The following UGT2B17 variants were observed in gnomAD, a reference collection of about 807,000 sequenced individuals.
The protein encoded by UGT2B17 is UDP glucuronosyltransferase family 2 member B17.
In UGT2B17, 21 loss-of-function variants were observed where a neutral mutation model predicts 48.2. The ratio of observed to expected loss-of-function variants is 0.44; its 90% CI spans 0.31 to 0.63. The LOEUF is 0.63. Ranked by LOEUF, UGT2B17 falls within the 20% of genes least tolerant of loss-of-function variation. UGT2B17 has a pLI of 0.08. For synonymous variants in UGT2B17, 146 were observed against 238.4 expected (o/e 0.61, Z 3.57); for missense variants, 402 against 696.1 (o/e 0.58, Z 4.75).
rs1363354837 is a variant in UGT2B17 at position 68,541,807 on chromosome 4, G to T, written c.1314-3903C>A. Among the ~76,000 whole-genome samples the T allele has an allele frequency of 2.4e-5, 3 of 126,580 alleles. 1 individual carries two copies. Among genetic ancestry groups the T allele is most frequent in the Non-Finnish European group, 5.0e-5 (3 of 59,712 alleles). 83.0% of individuals were successfully genotyped at this position (126,580 alleles called of 152,430 possible). ...TACATTTAAGTCTTTAATCCATCTT[G>T]AGTTAATTTTTGTATAAGGTGTAAG... On this transcript the variant is annotated intron_variant, in intron 6 of 6. Coordinates refer to ENST00000317746, the MANE Select transcript of UGT2B17 (RefSeq NM_001077.4).
rs1731343333 is a variant in UGT2B17, at chr4:68,574,728, A to G, written c.-65+1223T>C. 1.6e-5 allele frequency among the ~76,000 whole-genome samples: 2 copies of G among 126,516 alleles called. 1 individual carries two copies. Among genetic ancestry groups the G allele is most frequent in the Non-Finnish European group, 3.4e-5 (2 of 59,672 alleles). 83.0% of individuals were successfully genotyped at this position (126,516 alleles called of 152,430 possible). A position where few individuals can be genotyped will look rare whatever the true frequency, so the allele number is the denominator to read the frequency against. On this transcript the variant is annotated intron_variant, in intron 1 of 6. Coordinates refer to ENST00000317746, the MANE Select transcript of UGT2B17 (RefSeq NM_001077.4). ...ACACCTGCACATAAACTGTTTCTTCAATAGCACTCAGGAGGCCTTATTACT... is the reference window on the plus strand; with the variant it reads ...ACACCTGCACATAAACTGTTTCTTCGATAGCACTCAGGAGGCCTTATTACT...
At chr4:68,546,330 G>A (rs1730805284) in intron 6 of UGT2B17, among the ~76,000 whole-genome samples, 1 of 126,242 alleles carries the variant, frequency 7.9e-6, no homozygotes, top group Non-Finnish European at 1.7e-5. Flanking sequence ...AAAACCACAT[G>A]ATTATCTCAA....
chr4:68,552,880 A>C (rs1730941285), intron 4 of UGT2B17, among the ~76,000 whole-genome samples: 1 of 124,484 alleles, frequency 8.0e-6, no homozygotes, highest in Non-Finnish European at 1.7e-5. Context: ...TCCTACAAGA[A>C]AGGCAATATT....
chr4:68,548,621 T>A lies in UGT2B17; in HGVS notation c.1313+2056A>T, dbSNP rs537243938. ...GCATGGCCATTTTTACAATTCTGAT[T>A]TTTTTATCCATGAGGATGGAATGTT... On this transcript the variant is annotated intron_variant, in intron 6 of 6. Transcript: ENST00000317746. Among the ~76,000 whole-genome samples the A allele has an allele frequency of 7.2e-4, 78 of 107,762 alleles. 19 individuals carry two copies. The highest frequency in any genetic ancestry group is 2.1e-3 in the African/African-American group (75 of 35,336). The allele number at this position is 107,762 out of a possible 152,430, so 70.7% of individuals were successfully genotyped here. A position where few individuals can be genotyped will look rare whatever the true frequency, so the allele number is the denominator to read the frequency against.
rs1265171627 is a variant in UGT2B17 at position 68,545,843 on chromosome 4, C to T, written c.1313+4834G>A. 2.4e-5 allele frequency among the ~76,000 whole-genome samples: 3 copies of T among 125,328 alleles called. 1 individual carries two copies. Among genetic ancestry groups the T allele is most frequent in the African/African-American group, 2.7e-5 (1 of 36,814 alleles). The allele number at this position is 125,328 out of a possible 152,430, so 82.2% of individuals were successfully genotyped here. A position where few individuals can be genotyped will look rare whatever the true frequency, so the allele number is the denominator to read the frequency against. On this transcript the variant is annotated intron_variant, in intron 6 of 6. Transcript: ENST00000317746. ...ATCAAGAAGAAATGGATAAATTCCT[C>T]GACACACACACCCTCCCAAGACTAA...
chr4:68,540,068 G>T lies in UGT2B17; in HGVS notation c.1314-2164C>A, dbSNP rs767582398. Among the ~76,000 whole-genome samples the T allele has an allele frequency of 2.4e-5, 3 of 123,724 alleles. 1 individual carries two copies. Among genetic ancestry groups the T allele is most frequent in the African/African-American group, 8.3e-5 (3 of 36,120 alleles). 81.2% of individuals were successfully genotyped at this position (123,724 alleles called of 152,430 possible). ...CCCAAAGTGTTGGAATTACAGGTGT[G>T]AGCCACCACACCCAGTCTCCATAAA... On this transcript the variant is annotated intron_variant, in intron 6 of 6. Coordinates refer to ENST00000317746, the MANE Select transcript of UGT2B17 (RefSeq NM_001077.4).
At chr4:68,568,956 C>A (rs1416746215) in intron 1 of UGT2B17, among the ~76,000 whole-genome samples, 6 of 139,382 alleles carry the variant, frequency 4.3e-5, no homozygotes, top group Admixed American at 1.4e-4. Context: ...AGTATTATCT[C>A]CAAAAGATTC....
chr4:68,549,849 T>G (rs1190165917), intron 6 of UGT2B17, among the ~76,000 whole-genome samples: 1 of 125,554 alleles, frequency 8.0e-6, no homozygotes, highest in South Asian at 3.7e-4. Context: ...TATAACAATA[T>G]TCGTAAGTGC....
At chr4:68,570,421 G>A (rs1193957163) in intron 1 of UGT2B17, among the ~76,000 whole-genome samples, 3 of 126,630 alleles carry the variant, frequency 2.4e-5, no homozygotes, top group African/African-American at 8.1e-5. Context: ...TTTAGGTCAG[G>A]CAGGCCCAGG....
At position 68,538,923 on chromosome 4, in the gene UGT2B17, C is replaced by T. The variant is rs1440568808; in HGVS notation, c.1314-1019G>A. ...TCTCATTGAGCATTCTTTCTTGCAACTACTTGAGGTTTGCTTCTATTTCTT... is the reference window on the plus strand; with the variant it reads ...TCTCATTGAGCATTCTTTCTTGCAATTACTTGAGGTTTGCTTCTATTTCTT... On this transcript the variant is annotated intron_variant, in intron 6 of 6. Transcript: ENST00000317746. 4.0e-5 allele frequency among the ~76,000 whole-genome samples: 5 copies of T among 125,674 alleles called. 1 individual carries two copies. The highest frequency in any genetic ancestry group is 5.4e-5 in the African/African-American group (2 of 36,832). The allele number at this position is 125,674 out of a possible 152,430, so 82.4% of individuals were successfully genotyped here. A position where few individuals can be genotyped will look rare whatever the true frequency, so the allele number is the denominator to read the frequency against.
intron 1 of UGT2B17, among the ~76,000 whole-genome samples, chr4:68,573,996 C>T (rs1287583783): frequency 1.6e-5 from 2 of 126,322 alleles, no homozygotes; most frequent in African/African-American, 5.4e-5. Context: ...CCATCAGGCC[C>T]ACACCTGGTG....
At position 68,538,135 on chromosome 4, in the gene UGT2B17, G is replaced by A. The variant is rs1398040221; in HGVS notation, c.1314-231C>T. 1.6e-5 allele frequency among the ~76,000 whole-genome samples: 2 copies of A among 125,976 alleles called. 1 individual carries two copies. The highest frequency in any genetic ancestry group is 1.5e-3 in the East Asian group (2 of 1,340). The allele number at this position is 125,976 out of a possible 152,430, so 82.6% of individuals were successfully genotyped here. A position where few individuals can be genotyped will look rare whatever the true frequency, so the allele number is the denominator to read the frequency against. ...AAAATGAAAAATGGAATTTTCGGTG[G>A]GAAAGTTAATGTTTTTCTAGAGCAG... On this transcript the variant is annotated intron_variant, in intron 6 of 6. Coordinates refer to ENST00000317746, the MANE Select transcript of UGT2B17 (RefSeq NM_001077.4).
chr4:68,554,446 T>C lies in UGT2B17; in HGVS notation c.1006-2535A>G, dbSNP rs1452607097. On this transcript the variant is annotated intron_variant, in intron 4 of 6. Coordinates refer to ENST00000317746, the MANE Select transcript of UGT2B17 (RefSeq NM_001077.4). The stretch of plus-strand genomic sequence containing the variant: ...TAAGTTCTCTCTTTTTTAAAAATTT[T>C]CTTTTATTCTTGCTTTAAATTTGCT... Among the ~76,000 whole-genome samples, 2 of 125,766 alleles carry C rather than the reference T, an allele frequency of 1.6e-5. 1 individual carries two copies. Among genetic ancestry groups the C allele is most frequent in the Non-Finnish European group, 3.4e-5 (2 of 59,512 alleles). The allele number at this position is 125,766 out of a possible 152,430, so 82.5% of individuals were successfully genotyped here.
In UGT2B17 at chr4:68,552,514, G is replaced by A. The variant is rs755739518; in HGVS notation, c.1006-603C>T. On this transcript the variant is annotated intron_variant, in intron 4 of 6. Transcript: ENST00000317746. ...ACCAAACTGTCCCCCCACCACCTTG[G>A]GACACATGTCACCAGGACCCCCTGA... 2.9e-4 allele frequency among the ~76,000 whole-genome samples: 36 copies of A among 125,378 alleles called. 7 individuals are homozygous for A. The highest frequency in any genetic ancestry group is 3.5e-4 in the Non-Finnish European group (21 of 59,290). The allele number at this position is 125,378 out of a possible 152,430, so 82.3% of individuals were successfully genotyped here.
At chr4:68,565,981 T>A (rs1731192963) in intron 2 of UGT2B17, among the ~76,000 whole-genome samples, 1 of 118,936 alleles carries the variant, frequency 8.4e-6, no homozygotes, top group South Asian at 3.8e-4. Context: ...GTTAATATAT[T>A]TTAATTTAAT....
rs776783702 is a variant in UGT2B17, at chr4:68,542,750, C to T, written c.1314-4846G>A. Among the ~76,000 whole-genome samples the T allele has an allele frequency of 9.4e-5, 12 of 127,178 alleles. 3 individuals carry two copies. The highest frequency in any genetic ancestry group is 7.2e-4 in the South Asian group (2 of 2,770). 83.4% of individuals were successfully genotyped at this position (127,178 alleles called of 152,430 possible). A position where few individuals can be genotyped will look rare whatever the true frequency, so the allele number is the denominator to read the frequency against. ...TTGGGTTACTCCCACCCTAATACTG[C>T]GCTTTTCCAAAAGGTTTTAGCAAAC... On this transcript the variant is annotated intron_variant, in intron 6 of 6. Transcript: ENST00000317746.
intron 6 of UGT2B17, among the ~76,000 whole-genome samples, chr4:68,544,248 A>G (rs1269433127): frequency 7.9e-6 from 1 of 127,056 alleles, no homozygotes; most frequent in Non-Finnish European, 1.7e-5. Flanking sequence ...CAGAAACTCT[A>G]CAAGCCAGAA....
At chr4:68,573,292 A>AT (rs1269345786) in intron 1 of UGT2B17, among the ~76,000 whole-genome samples, 2 of 124,030 alleles carry the variant, frequency 1.6e-5, no homozygotes, top group Non-Finnish European at 1.7e-5. Flanking sequence ...TCCAACTGCC[A>AT]TTTTTTTCTC....
In UGT2B17 at chr4:68,568,302, A is replaced by G; in HGVS notation, c.183T>C (p.Ser61=). Residue 61 remains serine (S), a synonymous_variant, in exon 2 of 7, where the codon TCT becomes TCC. Transcript: ENST00000317746. ...ATGATTTACTGGCATTGACAAGAAT[A>G]GAAGCCGAAGATGTCAACACAATCA... ...HEVIVLTSSA[S]ILVNASKSSA... is the part of the protein sequence containing the mutation. 2 of 1,378,294 alleles carry G rather than the reference A, an allele frequency of 1.5e-6. No individual in the cohort carries two copies. The highest frequency in any genetic ancestry group is 1.9e-6 in the Non-Finnish European group (2 of 1,054,696). 85.4% of individuals were successfully genotyped at this position (1,378,294 alleles called of 1,614,324 possible).
Sources: allele counts gnomAD v4.1 joint callset (sites outside exome capture counted in the v4.1 genomes callset), GRCh38; gene constraint gnomAD v4.1.1; transcripts MANE v1.5; gene names NCBI Gene and HGNC (gene_info 2026-07-23, HGNC 2026-07-21).